Variants in TMEM132D observed in about 807,000 individuals in gnomAD.
TMEM132D encodes the protein transmembrane protein 132D.
In TMEM132D, 21 loss-of-function variants were observed where a neutral mutation model predicts 62.3. The observed-to-expected ratio is 0.34, with a 90% CI of 0.24 to 0.49. The LOEUF (loss-of-function observed/expected upper bound fraction) is 0.49, where lower values mean the gene tolerates loss of function less well. TMEM132D is among the 20% of genes least tolerant of loss of function. The pLI is 0.99. For missense variants in TMEM132D, 1,346 were observed against 1,402.8 expected, an observed-to-expected ratio of 0.96 and a Z score of 0.65; for synonymous variants, 621 against 575.6, an observed-to-expected ratio of 1.08 and a Z score of -1.13.
In TMEM132D at chr12:129,645,459, T is replaced by C. The variant is rs575564806; in HGVS notation, c.968+54351A>G. On this transcript the variant is annotated intron_variant, in intron 2 of 8. Coordinates refer to ENST00000422113, the MANE Select transcript of TMEM132D (RefSeq NM_133448.3). The stretch of plus-strand genomic sequence containing the variant: ...CCCACATATACATGCTGAATAACTT[T>C]GTATGCCTTTTCTCTTATTGATCAG... 2.0e-5 allele frequency among the ~76,000 whole-genome samples: 3 copies of C among 152,342 alleles called. No individual in the cohort carries two copies. The South Asian group carries it at 6.2e-4, about 32-fold the overall frequency.
intron 3 of TMEM132D, among the ~76,000 whole-genome samples, chr12:129,395,403 T>A (rs562935837): frequency 4.0e-4 from 61 of 152,218 alleles, no homozygotes; most frequent in African/African-American, 1.4e-3. Context: ...TTAATTGTGG[T>A]CTTGATGCCC....
intron 5 of TMEM132D, among the ~76,000 whole-genome samples, chr12:129,136,704 A>G (rs572786035): frequency 5.1e-4 from 77 of 152,012 alleles, no homozygotes; most frequent in Middle Eastern, 6.8e-3. Context: ...CATCACCATC[A>G]TTAATATCAT....
intron 2 of TMEM132D, among the ~76,000 whole-genome samples, chr12:129,623,005 G>GA (rs920307304): frequency 1.3e-5 from 2 of 152,120 alleles, no homozygotes; most frequent in Non-Finnish European, 2.9e-5. Context: ...CGCAATAGAA[G>GA]AAAATGGGAA....
At chr12:129,470,934 G>C (rs1360312047) in intron 3 of TMEM132D, among the ~76,000 whole-genome samples, 3 of 152,150 alleles carry the variant, frequency 2.0e-5, no homozygotes, top group African/African-American at 7.2e-5. Flanking sequence ...GAAAGAAGTA[G>C]AAGAGAGTAG....
chr12:129,864,041 A>C (rs1156756632), intron 1 of TMEM132D, among the ~76,000 whole-genome samples: 1 of 152,208 alleles, frequency 6.6e-6, no homozygotes, highest in Non-Finnish European at 1.5e-5. Context: ...ACTTCTAAAG[A>C]ACAGCATGTA....
chr12:129,286,051 G>A (rs975076301), intron 4 of TMEM132D, among the ~76,000 whole-genome samples: 7 of 152,130 alleles, frequency 4.6e-5, no homozygotes, highest in South Asian at 2.1e-4. Flanking sequence ...TTAGATGAAC[G>A]GTTTACAGAA....
chr12:129,662,151 T>C (rs1198876429), intron 2 of TMEM132D, among the ~76,000 whole-genome samples: 2 of 152,230 alleles, frequency 1.3e-5, no homozygotes, highest in African/African-American at 4.8e-5. Context: ...CTTTCTTTTT[T>C]CTTTGCAGCC....
At chr12:129,837,780 G>C (rs1593181563) in intron 1 of TMEM132D, among the ~76,000 whole-genome samples, 2 of 152,268 alleles carry the variant, frequency 1.3e-5, no homozygotes, top group East Asian at 3.9e-4. Flanking sequence ...CATCACAATA[G>C]TTCCTGGACT....
At chr12:129,175,786 T>G (rs1388607811) in intron 5 of TMEM132D, among the ~76,000 whole-genome samples, 1 of 152,208 alleles carries the variant, frequency 6.6e-6, no homozygotes, top group Non-Finnish European at 1.5e-5. Context: ...CTGATGCAAA[T>G]GCAATGGTAC....
At chr12:129,405,106 A>G (rs1323160105) in intron 3 of TMEM132D, among the ~76,000 whole-genome samples, 3 of 152,206 alleles carry the variant, frequency 2.0e-5, no homozygotes, top group African/African-American at 7.2e-5. Flanking sequence ...TCAGGCTGCT[A>G]TAACAAAATA....
intron 5 of TMEM132D, among the ~76,000 whole-genome samples, chr12:129,126,233 G>A (rs532221876): frequency 6.6e-6 from 1 of 152,178 alleles, no homozygotes; most frequent in African/African-American, 2.4e-5. Context: ...TTATATCTAT[G>A]GATCCATATT....
At chr12:129,895,114 C>T (rs1014022489) in intron 1 of TMEM132D, among the ~76,000 whole-genome samples, 2 of 152,160 alleles carry the variant, frequency 1.3e-5, no homozygotes, top group African/African-American at 4.8e-5. Flanking sequence ...GGAACGTGCT[C>T]AAGGTTCATA....
intron 5 of TMEM132D, among the ~76,000 whole-genome samples, chr12:129,087,908 G>GGGGTGTCCTCCATGACC (rs1565959429): frequency 1.9e-5 from 2 of 107,856 alleles, no homozygotes; most frequent in Non-Finnish European, 1.8e-5. Flanking sequence ...CTCCCTGACC[G>GGGGTGTCCTCCATGACC]GGGTGTCCTC....
At chr12:129,880,076 T>G (rs1874544394) in intron 1 of TMEM132D, among the ~76,000 whole-genome samples, 1 of 151,960 alleles carries the variant, frequency 6.6e-6, no homozygotes, top group East Asian at 1.9e-4. Context: ...ACATCATGTT[T>G]AAACTTCTAA....
Position 129,903,245 on chromosome 12 carries a change from G to T in TMEM132D, c.79+16C>A. 1.9e-6 allele frequency: 3 copies of T among 1,551,636 alleles called. No homozygotes were observed. In the African/African-American group the frequency reaches 4.1e-5, roughly 21 times the overall value. On this transcript the variant is annotated intron_variant, in intron 1 of 8. Coordinates refer to ENST00000422113, the MANE Select transcript of TMEM132D (RefSeq NM_133448.3). The surrounding 1 kb of genome is among the most constrained non-coding windows in gnomAD (Gnocchi z 6.2). Reference sequence around the variant, plus strand: ...CGAAGTTAGTCCCCGGGCCCTGGCGGCCGCGGCGTCCTCACCTTTGGAAAA... The same window carrying T: ...CGAAGTTAGTCCCCGGGCCCTGGCGTCCGCGGCGTCCTCACCTTTGGAAAA...
In TMEM132D at chr12:129,780,778, A is replaced by G. The variant is rs986390077; in HGVS notation, c.80-80080T>C. Among the ~76,000 whole-genome samples the G allele has an allele frequency of 3.3e-5, 5 of 152,224 alleles. No homozygotes were observed. The East Asian group carries it at 9.6e-4, about 29-fold the overall frequency. On this transcript the variant is annotated intron_variant, in intron 1 of 8. Coordinates refer to ENST00000422113, the MANE Select transcript of TMEM132D (RefSeq NM_133448.3). Reference sequence around the variant, plus strand: ...GCCATTCATCCGGTACCTTTTTACCATCATTAAATTGAAGAGAAAATTGAA... The same window carrying G: ...GCCATTCATCCGGTACCTTTTTACCGTCATTAAATTGAAGAGAAAATTGAA...
intron 1 of TMEM132D, among the ~76,000 whole-genome samples, chr12:129,881,917 T>G (rs79723365): frequency 0.031 from 4,689 of 152,070 alleles, 233 homozygotes; most frequent in African/African-American, 0.11. Flanking sequence ...AGAAACATAT[T>G]GCTAATAACA....
At chr12:129,432,159 T>TTGGATGGA (rs767215290) in intron 3 of TMEM132D, among the ~76,000 whole-genome samples, 5,018 of 134,314 alleles carry the variant, frequency 0.037, 120 homozygotes, top group African/African-American at 0.06. Flanking sequence ...GGATGGATGC[T>TTGGATGGA]TGGATGGATG....
chr12:129,422,158 T>G (rs7961017), intron 3 of TMEM132D, among the ~76,000 whole-genome samples: 3,180 of 151,134 alleles, frequency 0.021, 93 homozygotes, highest in African/African-American at 0.073. Context: ...ATGTTAATAT[T>G]TAAGGGAACG....
Sources: gnomAD v4.1 joint callset for allele counts (sites outside exome capture counted in the v4.1 genomes callset) on GRCh38, gnomAD v4.1.1 for gene constraint, Gnocchi (gnomAD v3.1) non-coding constraint, MANE v1.5 for transcripts, NCBI Gene and HGNC (gene_info 2026-07-23, HGNC 2026-07-21) for gene names.